PRKN: variants seen among roughly 807,000 people sequenced by gnomAD.
PRKN encodes parkin RBR E3 ubiquitin protein ligase, also known as E3 ubiquitin-protein ligase parkin.
PRKN carries 56 observed loss-of-function variants against 59.5 expected under a neutral mutation model. That is an observed-to-expected ratio of 0.94 (90% CI 0.76 to 1.18). The LOEUF (loss-of-function observed/expected upper bound fraction) is 1.18, where lower values mean the gene tolerates loss of function less well. PRKN is among the 50% of genes most tolerant of loss of function. The probability of loss-of-function intolerance (pLI) is 0.00; values close to 1 mark genes in which losing one functional copy is unlikely to be tolerated. For missense variants in PRKN, 657 were observed against 596.4 expected, an observed-to-expected ratio of 1.10 and a Z score of -1.06; for synonymous variants, 250 against 222.1, an observed-to-expected ratio of 1.13 and a Z score of -1.12.
chr6:162,324,969 T>C (rs1783199026), intron 2 of PRKN, among the ~76,000 whole-genome samples: 1 of 152,090 alleles, frequency 6.6e-6, no homozygotes, highest in Admixed American at 6.6e-5. Context: ...GTTGCTTTAA[T>C]CCACTGGGTG....
intron 7 of PRKN, among the ~76,000 whole-genome samples, chr6:161,725,074 C>T (rs919698596): frequency 3.3e-5 from 5 of 152,154 alleles, no homozygotes; most frequent in East Asian, 1.9e-4. Context: ...TTGAGGCCTC[C>T]GTAGGAGCCT....
In PRKN at chr6:161,388,224, A is replaced by G. The variant is rs555337211; in HGVS notation, c.1084-1347T>C. Among the ~76,000 whole-genome samples, 4 of 152,318 alleles carry G rather than the reference A, an allele frequency of 2.6e-5. No individual in the cohort carries two copies. The highest frequency in any genetic ancestry group is 9.6e-5 in the African/African-American group (4 of 41,574). On this transcript the variant is annotated intron_variant, in intron 9 of 11. Transcript: ENST00000366898. This position sits in a 1 kb window ranked among gnomAD's most constrained non-coding sequence, Gnocchi z 4.3. ...CTGTGCCTTGGTTTCCACCTTGGAAATGCTAGGATAACAGCGATAGCTTTC... is the reference window on the plus strand; with the variant it reads ...CTGTGCCTTGGTTTCCACCTTGGAAGTGCTAGGATAACAGCGATAGCTTTC...
intron 6 of PRKN, among the ~76,000 whole-genome samples, chr6:161,946,414 A>ACACACTCTCTCTCTCTCT (rs1247187053): frequency 8.7e-6 from 1 of 114,376 alleles, no homozygotes; most frequent in African/African-American, 3.7e-5. Flanking sequence ...ACACACACAC[A>ACACACTCTCTCTCTCTCT]CTCTCTCTCT....
At chr6:161,854,412 G>C (rs1232354642) in intron 6 of PRKN, among the ~76,000 whole-genome samples, 2 of 152,080 alleles carry the variant, frequency 1.3e-5, no homozygotes, top group African/African-American at 2.4e-5. Context: ...CAGCAGGAGG[G>C]ACAACCGCCA....
chr6:162,167,611 ATT>A (rs34070887), intron 4 of PRKN, among the ~76,000 whole-genome samples: 3,735 of 145,078 alleles, frequency 0.026, 131 homozygotes, highest in African/African-American at 0.077. Flanking sequence ...AATAACAGGG[ATT>A]TTTTTTTTTT....
At chr6:162,629,896 G>A (rs1783040004) in intron 1 of PRKN, among the ~76,000 whole-genome samples, 1 of 152,110 alleles carries the variant, frequency 6.6e-6, no homozygotes, top group Non-Finnish European at 1.5e-5. Context: ...AATTGAAATT[G>A]AAGTATATAA....
intron 3 of PRKN, among the ~76,000 whole-genome samples, chr6:162,254,992 T>C (rs972339799): frequency 1.3e-5 from 2 of 151,920 alleles, no homozygotes; most frequent in African/African-American, 4.8e-5. Context: ...ATCATTATCA[T>C]AGAGCACCCA....
chr6:162,252,592 T>C (rs781444016), intron 3 of PRKN, among the ~76,000 whole-genome samples: 5 of 152,206 alleles, frequency 3.3e-5, no homozygotes, highest in African/African-American at 4.8e-5. Flanking sequence ...TACGTGCTCT[T>C]ACAGAAGATG....
chr6:161,864,176 T>C (rs1410800533), intron 6 of PRKN, among the ~76,000 whole-genome samples: 1 of 152,168 alleles, frequency 6.6e-6, no homozygotes, highest in Non-Finnish European at 1.5e-5. Context: ...TGCTATTTGA[T>C]TATATTTTAC....
chr6:162,718,283 A>G (rs6934762), intron 1 of PRKN, among the ~76,000 whole-genome samples: 3,105 of 152,268 alleles, frequency 0.02, 120 homozygotes, highest in African/African-American at 0.07. Flanking sequence ...TATAACTTGC[A>G]TTCTATTAAG....
intron 6 of PRKN, among the ~76,000 whole-genome samples, chr6:161,874,913 A>T (rs1287795986): frequency 2.0e-5 from 2 of 100,664 alleles, no homozygotes; most frequent in African/African-American, 5.4e-5. Context: ...ATATATTATA[A>T]AATATAAAAT....
intron 7 of PRKN, among the ~76,000 whole-genome samples, chr6:161,773,862 G>A (rs1300907615): frequency 2.0e-5 from 3 of 152,178 alleles, no homozygotes; most frequent in African/African-American, 7.2e-5. Flanking sequence ...TCAGTTTGGA[G>A]AGTCGAAATT....
At chr6:162,549,034 T>C (rs1779230192) in intron 1 of PRKN, among the ~76,000 whole-genome samples, 1 of 138,030 alleles carries the variant, frequency 7.2e-6, no homozygotes, top group African/African-American at 2.5e-5. Flanking sequence ...CATTTATATG[T>C]TGAAATCCTG....
intron 1 of PRKN, among the ~76,000 whole-genome samples, chr6:162,666,219 G>T (rs960108623): frequency 6.6e-6 from 1 of 152,094 alleles, no homozygotes; most frequent in Non-Finnish European, 1.5e-5. Flanking sequence ...TATCATGTGA[G>T]ATACACTGTG....
At chr6:161,452,309 A>G (rs997332633) in intron 9 of PRKN, among the ~76,000 whole-genome samples, 2 of 152,186 alleles carry the variant, frequency 1.3e-5, no homozygotes, top group Non-Finnish European at 2.9e-5. Context: ...GTTTTTCCTG[A>G]GGACTTAAAT....
intron 7 of PRKN, among the ~76,000 whole-genome samples, chr6:161,654,111 T>C (rs1784251375): frequency 6.6e-6 from 1 of 152,114 alleles, no homozygotes; most frequent in Non-Finnish European, 1.5e-5. Context: ...GGAGCGCAGG[T>C]GTGAGCCACC....
intron 4 of PRKN, among the ~76,000 whole-genome samples, chr6:162,190,774 A>T (rs1167172483): frequency 1.3e-5 from 2 of 152,316 alleles, no homozygotes; most frequent in East Asian, 3.9e-4. Context: ...AGCATCAACA[A>T]AGGATCTACT....
Position 162,686,831 on chromosome 6 carries a change from T to C in PRKN, c.7+40831A>G, listed in dbSNP as rs150242321. Among the ~76,000 whole-genome samples, 13 of 152,304 alleles carry C rather than the reference T, an allele frequency of 8.5e-5. No homozygotes were observed. In the East Asian group the frequency reaches 1.2e-3, roughly 14 times the overall value. On this transcript the variant is annotated intron_variant, in intron 1 of 11. Transcript: ENST00000366898. ...AAGATCAGCTGGCACTCCGTAGATA[T>C]ATGGCTTTATTTCTGGGTTCTCTAT...
chr6:162,461,499 C>CAAAAAAAAAAAAAAAAAA (rs780424226), intron 1 of PRKN, among the ~76,000 whole-genome samples: 81 of 36,520 alleles, frequency 2.2e-3, no homozygotes, highest in Middle Eastern at 0.038. Flanking sequence ...TAAAGTGTCT[C>CAAAAAAAAAAAAAAAAAA]AAAAAAAAAA....
Sources: allele counts gnomAD v4.1 joint callset (sites outside exome capture counted in the v4.1 genomes callset), GRCh38; gene constraint gnomAD v4.1.1; non-coding constraint Gnocchi (gnomAD v3.1); transcripts MANE v1.5; gene names NCBI Gene and HGNC (gene_info 2026-07-23, HGNC 2026-07-21).